B3GNT5: variants seen among roughly 807,000 people sequenced by gnomAD.
B3GNT5 encodes the protein lactosylceramide 1,3-N-acetyl-beta-D-glucosaminyltransferase.
Under a neutral mutation model 25.9 loss-of-function variants are expected in B3GNT5, and 11 were observed. The ratio of observed to expected loss-of-function variants is 0.42; its 90% CI spans 0.27 to 0.70. B3GNT5 has a LOEUF of 0.70. Ranked by LOEUF, B3GNT5 falls within the 30% of genes least tolerant of loss-of-function variation. The pLI, the probability that B3GNT5 is intolerant of heterozygous loss-of-function variation, is 0.23. For missense variants in B3GNT5, 385 were observed against 458.4 expected (o/e 0.84, Z 1.46); for synonymous variants, 166 against 158.6 (o/e 1.05, Z -0.35).
At chr3:183,262,035 T>G (rs987860516) in intron 1 of B3GNT5, among the ~76,000 whole-genome samples, 4 of 147,306 alleles carry the variant, frequency 2.7e-5, no homozygotes, top group Non-Finnish European at 6.0e-5. Flanking sequence ...AATAAAAGTT[T>G]AAAAGATATA....
intron 1 of B3GNT5, among the ~76,000 whole-genome samples, chr3:183,257,958 C>CA (rs779026571): frequency 1.3e-3 from 82 of 64,746 alleles, no homozygotes; most frequent in Admixed American, 1.7e-3. Context: ...CCACTTCACC[C>CA]TTTTTTTTTT....
At chr3:183,257,757 G>A (rs1725176836) in intron 1 of B3GNT5, among the ~76,000 whole-genome samples, 1 of 151,744 alleles carries the variant, frequency 6.6e-6, no homozygotes, top group Non-Finnish European at 1.5e-5. Context: ...TCTGAATCCT[G>A]GTTTTTCTTA....
chr3:183,269,699 T>C lies in B3GNT5; in HGVS notation c.-100T>C. Reference sequence around the variant, plus strand: ...TCCATTTTTAATGACCAACATGTATTAAGATGGACACCTACTCTACGAAAC... The same window carrying C: ...TCCATTTTTAATGACCAACATGTATCAAGATGGACACCTACTCTACGAAAC... On this transcript the variant is annotated 5_prime_UTR_variant, in exon 2 of 2. An upstream open reading frame in the 5' UTR loses its in-frame stop. Transcript: ENST00000326505. 9.3e-7 allele frequency: 1 copy of C among 1,076,074 alleles called. No homozygotes were observed. Among genetic ancestry groups the C allele is most frequent in the African/African-American group, 1.6e-5 (1 of 62,774 alleles). The allele number at this position is 1,076,074 out of a possible 1,614,324, so 66.7% of individuals were successfully genotyped here.
In B3GNT5 at chr3:183,271,474, TTATTA is replaced by T. The variant is rs1726777117; in HGVS notation, c.*542_*546del. 6.0e-6 allele frequency: 1 copy of T among 167,172 alleles called. No homozygotes were observed. The highest frequency in any genetic ancestry group is 1.5e-5 in the Non-Finnish European group (1 of 68,198). 10.4% of individuals were successfully genotyped at this position (167,172 alleles called of 1,614,324 possible). On this transcript the variant is annotated 3_prime_UTR_variant, in exon 2 of 2. Transcript: ENST00000326505. Reference sequence around the variant, plus strand: ...GAGATGTAGAAAAATGTGTACAATGTTATTATAAACAGACAAATCACGTCTTACCA... The same window carrying T: ...GAGATGTAGAAAAATGTGTACAATGTTAAACAGACAAATCACGTCTTACCA...
chr3:183,261,933 C>A (rs1250479282), intron 1 of B3GNT5, among the ~76,000 whole-genome samples: 1 of 141,506 alleles, frequency 7.1e-6, no homozygotes, highest in African/African-American at 2.6e-5. Flanking sequence ...TTCAGACAAC[C>A]GTTTTAGGAG....
chr3:183,263,944 T>TA (rs1725856799), intron 1 of B3GNT5, among the ~76,000 whole-genome samples: 1 of 152,120 alleles, frequency 6.6e-6, no homozygotes, highest in Non-Finnish European at 1.5e-5. Context: ...CACCCTCGAC[T>TA]AGGCCTTCCT....
At chr3:183,257,912 G>A (rs903091832) in intron 1 of B3GNT5, among the ~76,000 whole-genome samples, 3 of 140,458 alleles carry the variant, frequency 2.1e-5, no homozygotes, top group Non-Finnish European at 4.5e-5. Context: ...AAATTCCTGC[G>A]TAGTCTCTCT....
chr3:183,271,110 T>C lies in B3GNT5; in HGVS notation c.*175T>C, dbSNP rs1233183718. 1.9e-6 allele frequency: 1 copy of C among 528,970 alleles called. No individual in the cohort carries two copies. Among genetic ancestry groups the C allele is most frequent in the Admixed American group, 3.9e-5 (1 of 25,712 alleles). 32.8% of individuals were successfully genotyped at this position (528,970 alleles called of 1,614,324 possible). A position where few individuals can be genotyped will look rare whatever the true frequency, so the allele number is the denominator to read the frequency against. On this transcript the variant is annotated 3_prime_UTR_variant, in exon 2 of 2. Coordinates refer to ENST00000326505, the MANE Select transcript of B3GNT5 (RefSeq NM_032047.5). ...AAGCTGTTTAATATCACTTATCTAC[T>C]TCATTGCCTAAGTTCATTTCAAAGA...
intron 1 of B3GNT5, among the ~76,000 whole-genome samples, chr3:183,268,352 A>C (rs1726360212): frequency 6.6e-6 from 1 of 152,224 alleles, no homozygotes; most frequent in African/African-American, 2.4e-5. Context: ...GTTAAATCCA[A>C]GTTTTACAAA....
At position 183,269,789 on chromosome 3, in the gene B3GNT5, T is replaced by C; in HGVS notation, c.-10T>C. ...AAACTGATCCTAACTAAAAACAGACTTGAGTGGATATGAGAATGTTGGTTA... is the reference window on the plus strand; with the variant it reads ...AAACTGATCCTAACTAAAAACAGACCTGAGTGGATATGAGAATGTTGGTTA... On this transcript the variant is annotated 5_prime_UTR_variant, in exon 2 of 2. Transcript: ENST00000326505. 6.3e-7 allele frequency: 1 copy of C among 1,591,320 alleles called. No homozygotes were observed. The highest frequency in any genetic ancestry group is 8.5e-7 in the Non-Finnish European group (1 of 1,169,890).
intron 1 of B3GNT5, among the ~76,000 whole-genome samples, chr3:183,256,980 T>C (rs1167285648): frequency 6.6e-6 from 1 of 152,194 alleles, no homozygotes; most frequent in Non-Finnish European, 1.5e-5. Context: ...TCAGTATTTT[T>C]AAAAACTCCT....
chr3:183,255,742 T>C (rs763414462), intron 1 of B3GNT5, among the ~76,000 whole-genome samples: 4 of 151,682 alleles, frequency 2.6e-5, no homozygotes, highest in South Asian at 4.1e-4. Flanking sequence ...AAATGAAACA[T>C]TGTATTTCAT....
chr3:183,261,186 T>C (rs1257668447), intron 1 of B3GNT5, among the ~76,000 whole-genome samples: 2 of 152,228 alleles, frequency 1.3e-5, no homozygotes, highest in African/African-American at 4.8e-5. Context: ...GTAAGTAATT[T>C]ATTAAGAAAA....
In B3GNT5 at chr3:183,269,795, G is replaced by A. The variant is rs1294985880; in HGVS notation, c.-4G>A. 1.9e-6 allele frequency: 3 copies of A among 1,597,312 alleles called. No homozygotes were observed. Among genetic ancestry groups the A allele is most frequent in the Non-Finnish European group, 1.7e-6 (2 of 1,172,222 alleles). On this transcript the variant is annotated 5_prime_UTR_variant, in exon 2 of 2. Transcript: ENST00000326505. The stretch of plus-strand genomic sequence containing the variant: ...ATCCTAACTAAAAACAGACTTGAGT[G>A]GATATGAGAATGTTGGTTAGTGGCA...
At position 183,270,212 on chromosome 3, in the gene B3GNT5, G is replaced by A. The variant is rs1201545907; in HGVS notation, c.414G>A (p.Glu138=). Residue 138 remains glutamate (E), a synonymous_variant, in exon 2 of 2, where the codon GAG becomes GAA. Coordinates refer to ENST00000326505, the MANE Select transcript of B3GNT5 (RefSeq NM_032047.5). This position sits in a 1 kb window ranked among gnomAD's most constrained non-coding sequence, Gnocchi z 4.5. ...CCTTAGGAACTCCTAATCCACTGGA[G>A]GGAGAAGAACTACAAAGAAAACTGG... ...LFALGTPNPL[E]GEELQRKLAW... The A allele has an allele frequency of 1.9e-6, 3 of 1,614,194 alleles. No homozygotes were observed. The highest frequency in any genetic ancestry group is 2.5e-6 in the Non-Finnish European group (3 of 1,180,030).
intron 1 of B3GNT5, among the ~76,000 whole-genome samples, chr3:183,257,998 C>T (rs982964608): frequency 4.8e-5 from 5 of 103,684 alleles, no homozygotes; most frequent in African/African-American, 8.4e-5. Flanking sequence ...GACGGAGTCT[C>T]GCTCTGTTGC....
At chr3:183,254,937 A>G (rs1273225658) in intron 1 of B3GNT5, among the ~76,000 whole-genome samples, 1 of 152,186 alleles carries the variant, frequency 6.6e-6, no homozygotes, top group Non-Finnish European at 1.5e-5. Flanking sequence ...TATAGGTAAA[A>G]GTAACAGTTT....
Position 183,269,588 on chromosome 3 carries a change from G to C in B3GNT5, c.-211G>C. ...CGTGTGGAAGAATTTTGACGTGCCA[G>C]TGTCCTCGTTCTACAGGGTGTTCCA... On this transcript the variant is annotated 5_prime_UTR_variant, in exon 2 of 2. Coordinates refer to ENST00000326505, the MANE Select transcript of B3GNT5 (RefSeq NM_032047.5). The C allele has an allele frequency of 2.1e-6, 1 of 485,688 alleles. No homozygotes were observed. Among genetic ancestry groups the C allele is most frequent in the Non-Finnish European group, 3.6e-6 (1 of 281,140 alleles). 30.1% of individuals were successfully genotyped at this position (485,688 alleles called of 1,614,324 possible). A position where few individuals can be genotyped will look rare whatever the true frequency, so the allele number is the denominator to read the frequency against.
chr3:183,272,811 T>C lies in B3GNT5; in HGVS notation c.*1876T>C, dbSNP rs547197310. On this transcript the variant is annotated 3_prime_UTR_variant, in exon 2 of 2. Transcript: ENST00000326505. ...CCCTGTGTATCTATACTTGGAAGTG[T>C]TTAAGGTTGCCATTGGTTGAAAACA... 2 of 1,202,960 alleles carry C rather than the reference T, an allele frequency of 1.7e-6. No homozygotes were observed. Among genetic ancestry groups the C allele is most frequent in the African/African-American group, 3.2e-5 (2 of 63,044 alleles). The allele number at this position is 1,202,960 out of a possible 1,614,324, so 74.5% of individuals were successfully genotyped here. A position where few individuals can be genotyped will look rare whatever the true frequency, so the allele number is the denominator to read the frequency against.
Sources: allele counts gnomAD v4.1 joint callset (sites outside exome capture counted in the v4.1 genomes callset), GRCh38; gene constraint gnomAD v4.1.1; non-coding constraint Gnocchi (gnomAD v3.1); transcripts MANE v1.5; gene names NCBI Gene and HGNC (gene_info 2026-07-23, HGNC 2026-07-21).